The following RANBP2 variants were observed in gnomAD, a reference collection of about 807,000 sequenced individuals.
RANBP2 encodes the protein E3 SUMO-protein ligase RanBP2.
In RANBP2, 57 loss-of-function variants were observed where a neutral mutation model predicts 303.6. The observed-to-expected ratio is 0.19, with a 90% CI of 0.15 to 0.23. The LOEUF is 0.23. RANBP2 is among the 10% of genes least tolerant of loss of function. The pLI is 1.00. For synonymous variants in RANBP2, 1,167 were observed against 1,301.5 expected, an observed-to-expected ratio of 0.90 and a Z score of 2.23; for missense variants, 3,138 against 3,780.8, an observed-to-expected ratio of 0.83 and a Z score of 4.46.
At chr2:108,823,848 G>T in the RANBP2 span, among the ~76,000 whole-genome samples, 5 of 152,082 alleles carry the variant, frequency 3.3e-5, no homozygotes, top group African/African-American at 1.2e-4. Context: ...GTGGTGGCGG[G>T]CATCTGTAAT....
chr2:109,078,225 CGTGT>C, the RANBP2 span, among the ~76,000 whole-genome samples: 7,071 of 51,546 alleles, frequency 0.14, 1,179 homozygotes, highest in Middle Eastern at 0.15. Context: ...ATATATATAG[CGTGT>C]ATATATATAT....
At chr2:109,384,209 G>A in the RANBP2 span, among the ~76,000 whole-genome samples, 1 of 152,182 alleles carries the variant, frequency 6.6e-6, no homozygotes, top group Non-Finnish European at 1.5e-5. Flanking sequence ...GCCAGGCCCC[G>A]GGGATGCAGC....
At chr2:109,567,698 C>A in the RANBP2 span, 3 of 1,049,874 alleles carry the variant, frequency 2.9e-6, no homozygotes, top group Non-Finnish European at 2.6e-6. Flanking sequence ...GAAAATTCAC[C>A]TTGTTTGAAG....
chr2:109,732,943 C>A, the RANBP2 span: 2 of 671,500 alleles, frequency 3.0e-6, no homozygotes, highest in Non-Finnish European at 5.5e-6. Flanking sequence ...AACTGTCAAA[C>A]GGTGAAAAAA....
the RANBP2 span, among the ~76,000 whole-genome samples, chr2:109,658,283 T>C: frequency 1.3e-5 from 2 of 150,900 alleles, no homozygotes; most frequent in African/African-American, 4.9e-5. Flanking sequence ...CTGTCTCTAC[T>C]AAAAATACAA....
At chr2:109,393,021 C>A in the RANBP2 span, among the ~76,000 whole-genome samples, 1 of 152,200 alleles carries the variant, frequency 6.6e-6, no homozygotes, top group African/African-American at 2.4e-5. Context: ...TTACAACTGG[C>A]AAGTGTTGAT....
At chr2:109,281,415 A>G in the RANBP2 span, among the ~76,000 whole-genome samples, 1 of 152,192 alleles carries the variant, frequency 6.6e-6, no homozygotes, top group Non-Finnish European at 1.5e-5. Context: ...ACAGTCTCAG[A>G]GCAGGATGTC....
the RANBP2 span, among the ~76,000 whole-genome samples, chr2:109,021,391 T>C: frequency 1.5e-3 from 228 of 151,784 alleles, no homozygotes; most frequent in Non-Finnish European, 2.4e-3. Flanking sequence ...GGCGTGGTGG[T>C]GGGCGCCTGT....
chr2:108,864,287 T>C, the RANBP2 span, among the ~76,000 whole-genome samples: 1 of 152,248 alleles, frequency 6.6e-6, no homozygotes, highest in South Asian at 2.1e-4. Context: ...TTTTTATTTA[T>C]TTATTAAAAA....
chr2:109,719,541 G>A, the RANBP2 span, among the ~76,000 whole-genome samples: 1 of 151,654 alleles, frequency 6.6e-6, no homozygotes, highest in East Asian at 1.9e-4. Flanking sequence ...TGAGCAACTG[G>A]GACTACAGGT....
the RANBP2 span, among the ~76,000 whole-genome samples, chr2:109,652,398 A>ATTT: frequency 6.6e-6 from 1 of 151,218 alleles, no homozygotes. Context: ...AATTTTTTGT[A>ATTT]TTTTTTTTAG....
At chr2:108,996,694 T>C in the RANBP2 span, among the ~76,000 whole-genome samples, 4 of 151,786 alleles carry the variant, frequency 2.6e-5, no homozygotes, top group South Asian at 8.3e-4. Context: ...GCAACATCCA[T>C]CTGCACAGGC....
the RANBP2 span, among the ~76,000 whole-genome samples, chr2:109,301,340 GTGTGTGTGTGTGTT>G: frequency 7.9e-6 from 1 of 126,782 alleles, no homozygotes; most frequent in South Asian, 2.5e-4. Flanking sequence ...TGTGACGTGT[GTGTGTGTGTGTGTT>G]TGTGTATGTT....
chr2:109,003,584 T>C, the RANBP2 span, among the ~76,000 whole-genome samples: 1 of 152,144 alleles, frequency 6.6e-6, no homozygotes, highest in Non-Finnish European at 1.5e-5. Flanking sequence ...CTAATTTTTG[T>C]ATTTTTAGTG....
chr2:109,748,796 C>T, the RANBP2 span, among the ~76,000 whole-genome samples: 1 of 150,294 alleles, frequency 6.7e-6, no homozygotes, highest in Non-Finnish European at 1.5e-5. Flanking sequence ...TCGCTTGAAC[C>T]CAGGAGGCGG....
intron 6 of RANBP2, among the ~76,000 whole-genome samples, chr2:108,737,915 C>T (rs1439803369): frequency 2.0e-5 from 3 of 151,692 alleles, no homozygotes; most frequent in Admixed American, 6.6e-5. Context: ...GGGGTTTCAC[C>T]GTGTTAGCCA....
the RANBP2 span, among the ~76,000 whole-genome samples, chr2:109,486,374 C>T: frequency 5.3e-5 from 8 of 152,120 alleles, no homozygotes; most frequent in East Asian, 3.9e-4. Flanking sequence ...CTCAGTGGTT[C>T]GGGTGCTCTC....
chr2:109,398,524 G>A, the RANBP2 span: 9 of 1,376,314 alleles, frequency 6.5e-6, no homozygotes, highest in Non-Finnish European at 8.8e-6. Context: ...CCTGGAGAGT[G>A]CAGAGGGCTG....
the RANBP2 span, among the ~76,000 whole-genome samples, chr2:109,499,903 A>G: frequency 5.3e-5 from 8 of 152,310 alleles, no homozygotes; most frequent in African/African-American, 1.4e-4. Flanking sequence ...CTCAGGTTCA[A>G]TTGGCACACA....
Sources: allele counts gnomAD v4.1 joint callset (sites outside exome capture counted in the v4.1 genomes callset), GRCh38; gene constraint gnomAD v4.1.1; transcripts MANE v1.5; gene names NCBI Gene and HGNC (gene_info 2026-07-23, HGNC 2026-07-21).